Variants in NKAIN2 observed in about 807,000 individuals in gnomAD.
NKAIN2 encodes sodium/potassium-transporting ATPase subunit beta-1-interacting protein 2.
Under a neutral mutation model 32.6 loss-of-function variants are expected in NKAIN2, and 14 were observed. The observed-to-expected ratio is 0.43, with a 90% CI of 0.28 to 0.67. NKAIN2 has a LOEUF of 0.67. Among genes scored for constraint, NKAIN2 ranks in the 30% least tolerant of loss-of-function variants. The pLI is 0.17. For synonymous variants in NKAIN2, 80 were observed against 87.2 expected (o/e 0.92, Z 0.46); for missense variants, 198 against 258.3 (o/e 0.77, Z 1.60).
At chr6:124,222,470 A>G (rs1791885583) in intron 1 of NKAIN2, among the ~76,000 whole-genome samples, 1 of 152,208 alleles carries the variant, frequency 6.6e-6, no homozygotes, top group Non-Finnish European at 1.5e-5. Flanking sequence ...GATGCAATTT[A>G]AAATAGAGTA....
chr6:123,967,527 T>G (rs901471894), intron 1 of NKAIN2, among the ~76,000 whole-genome samples: 5 of 152,184 alleles, frequency 3.3e-5, no homozygotes, highest in Non-Finnish European at 5.9e-5. Flanking sequence ...CAGCTTTTCA[T>G]GTCCTCATCA....
At position 123,804,197 on chromosome 6, in the gene NKAIN2, A is replaced by C. The variant is rs1436862207; in HGVS notation, c.-4A>C. The C allele has an allele frequency of 1.2e-6, 2 of 1,613,762 alleles. No individual in the cohort carries two copies. Among genetic ancestry groups the C allele is most frequent in the African/African-American group, 1.3e-5 (1 of 74,904 alleles). On this transcript the variant is annotated 5_prime_UTR_variant, in exon 1 of 7. Transcript: ENST00000368417. ...GTCTGGCTGTGGCAGGGGTCTCGGA[A>C]ACCATGGGTTATTGCAGTGGCAGGT...
intron 4 of NKAIN2, among the ~76,000 whole-genome samples, chr6:124,721,575 A>G (rs1776022709): frequency 6.6e-6 from 1 of 152,160 alleles, no homozygotes; most frequent in Non-Finnish European, 1.5e-5. Context: ...TTTATATAAT[A>G]TTTAAATGGC....
intron 1 of NKAIN2, among the ~76,000 whole-genome samples, chr6:123,919,241 C>A (rs1015130380): frequency 6.6e-6 from 1 of 151,990 alleles, no homozygotes; most frequent in Non-Finnish European, 1.5e-5. Flanking sequence ...TTTTCTTCTA[C>A]AGGGCAGGAT....
chr6:124,349,926 C>G (rs1798632887), intron 2 of NKAIN2, among the ~76,000 whole-genome samples: 1 of 152,168 alleles, frequency 6.6e-6, no homozygotes, highest in African/African-American at 2.4e-5. Context: ...AGATGGTTCA[C>G]CTGGTGCTTC....
Position 124,474,659 on chromosome 6 carries a change from G to GC in NKAIN2, c.273+119313dup, listed in dbSNP as rs149960189. 6.7e-3 allele frequency among the ~76,000 whole-genome samples: 1,013 copies of GC among 151,676 alleles called. 20 individuals carry two copies. The East Asian group carries it at 0.078, about 12-fold the overall frequency. On this transcript the variant is annotated intron_variant, in intron 3 of 6. Transcript: ENST00000368417. The stretch of plus-strand genomic sequence containing the variant: ...TTTAAATATTTGTCAAATTTTGTAG[G>GC]CATAGAAATATTTTTTATATAAATT...
intron 3 of NKAIN2, among the ~76,000 whole-genome samples, chr6:124,367,758 A>G (rs1799585590): frequency 1.3e-5 from 2 of 152,234 alleles, no homozygotes; most frequent in South Asian, 2.1e-4. Flanking sequence ...CCTAGGGTAC[A>G]TCTTGATAAT....
intron 3 of NKAIN2, among the ~76,000 whole-genome samples, chr6:124,439,743 T>C (rs1469020792): frequency 2.0e-5 from 3 of 151,958 alleles, no homozygotes; most frequent in Non-Finnish European, 2.9e-5. Flanking sequence ...ATCACATGAA[T>C]TATAAACTGC....
intron 3 of NKAIN2, among the ~76,000 whole-genome samples, chr6:124,588,535 G>A (rs560400035): frequency 6.6e-6 from 1 of 152,132 alleles, no homozygotes; most frequent in African/African-American, 2.4e-5. Flanking sequence ...GGTATATTAG[G>A]TTCTAAAATG....
chr6:124,809,017 T>G (rs1054048662), intron 5 of NKAIN2, among the ~76,000 whole-genome samples: 1 of 152,204 alleles, frequency 6.6e-6, no homozygotes, highest in African/African-American at 2.4e-5. Flanking sequence ...TCCATGCTCA[T>G]GGGTAAGAAG....
At chr6:124,344,859 C>CCAA (rs1798325009) in intron 2 of NKAIN2, among the ~76,000 whole-genome samples, 1 of 152,252 alleles carries the variant, frequency 6.6e-6, no homozygotes, top group Non-Finnish European at 1.5e-5. Flanking sequence ...GCCAGAACTT[C>CCAA]CAACACTATG....
intron 4 of NKAIN2, among the ~76,000 whole-genome samples, chr6:124,706,727 G>A (rs145048295): frequency 2.0e-5 from 3 of 152,212 alleles, no homozygotes; most frequent in East Asian, 1.9e-4. Context: ...GCACCTAATC[G>A]TCATTTGACT....
At chr6:123,837,174 A>C (rs868341409) in intron 1 of NKAIN2, among the ~76,000 whole-genome samples, 34 of 152,266 alleles carry the variant, frequency 2.2e-4, no homozygotes, top group African/African-American at 7.7e-4. Flanking sequence ...TATTTTATAT[A>C]GCATTTGATT....
At chr6:124,377,365 A>G (rs1279926072) in intron 3 of NKAIN2, among the ~76,000 whole-genome samples, 1 of 152,168 alleles carries the variant, frequency 6.6e-6, no homozygotes, top group Non-Finnish European at 1.5e-5. Flanking sequence ...CAGGTTTCCT[A>G]GTCATATATT....
chr6:123,821,673 G>A (rs951077918), intron 1 of NKAIN2, among the ~76,000 whole-genome samples: 1 of 152,132 alleles, frequency 6.6e-6, no homozygotes, highest in East Asian at 1.9e-4. Context: ...AAACCACTGT[G>A]GGTGTGTAGA....
chr6:124,554,160 G>T (rs528912275), intron 3 of NKAIN2, among the ~76,000 whole-genome samples: 28 of 152,302 alleles, frequency 1.8e-4, no homozygotes, highest in African/African-American at 6.5e-4. Flanking sequence ...CAGTTGGTCA[G>T]TTCCAAATAA....
intron 1 of NKAIN2, among the ~76,000 whole-genome samples, chr6:123,886,961 A>C (rs972268224): frequency 6.6e-6 from 1 of 152,168 alleles, no homozygotes; most frequent in Non-Finnish European, 1.5e-5. Flanking sequence ...ATTGGAATGC[A>C]GATCTTACTG....
chr6:124,027,800 A>G (rs962117937), intron 1 of NKAIN2, among the ~76,000 whole-genome samples: 3 of 151,950 alleles, frequency 2.0e-5, no homozygotes, highest in Admixed American at 2.0e-4. Flanking sequence ...CTTTTAACTA[A>G]TCTCCTACTT....
chr6:123,927,439 A>G (rs781473792), intron 1 of NKAIN2, among the ~76,000 whole-genome samples: 3 of 152,208 alleles, frequency 2.0e-5, no homozygotes, highest in African/African-American at 7.2e-5. Flanking sequence ...CTGTAGATAT[A>G]CTGCTTATCT....
Sources: gnomAD v4.1 joint callset for allele counts (sites outside exome capture counted in the v4.1 genomes callset) on GRCh38, gnomAD v4.1.1 for gene constraint, MANE v1.5 for transcripts, NCBI Gene and HGNC (gene_info 2026-07-23, HGNC 2026-07-21) for gene names.